The following CA13 variants were observed in gnomAD, a reference collection of about 807,000 sequenced individuals.
CA13 encodes the protein carbonic anhydrase 13.
In CA13, 21 loss-of-function variants were observed where a neutral mutation model predicts 31.5. That is an observed-to-expected ratio of 0.67 (90% CI 0.47 to 0.96). The LOEUF (loss-of-function observed/expected upper bound fraction) is 0.96. Among genes scored for constraint, CA13 ranks in the 40% least tolerant of loss-of-function variants. The probability of loss-of-function intolerance (pLI) is 0.00; values close to 1 mark genes in which losing one functional copy is unlikely to be tolerated. For synonymous variants in CA13, 117 were observed against 111.4 expected, an observed-to-expected ratio of 1.05 and a Z score of -0.32; for missense variants, 315 against 318.9, an observed-to-expected ratio of 0.99 and a Z score of 0.09.
At chr8:85,266,028 C>G (rs888893147) in intron 3 of CA13, among the ~76,000 whole-genome samples, 2 of 152,130 alleles carry the variant, frequency 1.3e-5, no homozygotes, top group East Asian at 3.9e-4. Flanking sequence ...TCTGTGAGCT[C>G]AGCCCTCTTC....
At chr8:85,276,181 C>T (rs1453136822) in intron 6 of CA13, among the ~76,000 whole-genome samples, 1 of 152,148 alleles carries the variant, frequency 6.6e-6, no homozygotes, top group Non-Finnish European at 1.5e-5. Context: ...CCGCGGACCC[C>T]GGGCAGTTAG....
chr8:85,273,297 T>C (rs1807552397), intron 6 of CA13, among the ~76,000 whole-genome samples: 1 of 152,248 alleles, frequency 6.6e-6, no homozygotes, highest in South Asian at 2.1e-4. Context: ...TAGTGACCAA[T>C]GATTTTGAAC....
chr8:85,246,182 G>A (rs1813726550), intron 1 of CA13: 1 of 511,898 alleles, frequency 2.0e-6, no homozygotes, highest in Non-Finnish European at 3.6e-6. Flanking sequence ...TAACAGCCAC[G>A]TATCAATTAC....
At chr8:85,251,070 T>C (rs1453198673) in intron 2 of CA13, 133 bp downstream of exon 2, 3 of 753,774 alleles carry the variant, frequency 4.0e-6, no homozygotes, top group Non-Finnish European at 6.5e-6. Flanking sequence ...GGCGCGATCT[T>C]GGCTTATTGC....
chr8:85,262,650 G>A (rs1321372674), intron 3 of CA13, among the ~76,000 whole-genome samples: 1 of 152,182 alleles, frequency 6.6e-6, no homozygotes, highest in East Asian at 1.9e-4. Flanking sequence ...CCATTGGGAA[G>A]TGGTGATATT....
intron 6 of CA13, among the ~76,000 whole-genome samples, chr8:85,277,168 C>T (rs115861252): frequency 1.3e-3 from 196 of 152,274 alleles, no homozygotes; most frequent in African/African-American, 3.8e-3. Flanking sequence ...TCTTCCACAC[C>T]GTGGAAGCTC....
chr8:85,262,120 C>CTTGCCTGT (rs1484795851), intron 3 of CA13, among the ~76,000 whole-genome samples: 1 of 152,276 alleles, frequency 6.6e-6, no homozygotes, highest in Non-Finnish European at 1.5e-5. Flanking sequence ...TGCAGTGGCT[C>CTTGCCTGT]ATGCCTGTAA....
At chr8:85,274,885 TG>T (rs1383439926) in intron 6 of CA13, among the ~76,000 whole-genome samples, 2 of 152,208 alleles carry the variant, frequency 1.3e-5, no homozygotes, top group African/African-American at 2.4e-5. Flanking sequence ...CGTTTTTCTC[TG>T]GTTAGGTTAT....
chr8:85,272,442 G>A (rs1446912630), intron 6 of CA13, among the ~76,000 whole-genome samples: 2 of 151,940 alleles, frequency 1.3e-5, no homozygotes, highest in Non-Finnish European at 1.5e-5. Context: ...TTTTAGTAGA[G>A]ATGGGGTTTC....
At chr8:85,247,768 G>A (rs1299482828) in intron 1 of CA13, among the ~76,000 whole-genome samples, 3 of 151,970 alleles carry the variant, frequency 2.0e-5, no homozygotes, top group African/African-American at 7.2e-5. Context: ...ACAAGGTTTC[G>A]TCATGTTGGC....
At chr8:85,249,766 G>T (rs748780098) in intron 1 of CA13, 6 of 408,388 alleles carry the variant, frequency 1.5e-5, no homozygotes, top group Non-Finnish European at 2.4e-5. Context: ...ATAGTAGAGA[G>T]AATAAGAACC....
intron 1 of CA13, 48 bp downstream of exon 1, chr8:85,245,913 AGGACTAGCG>A (rs1813717763): frequency 6.2e-7 from 1 of 1,610,776 alleles, no homozygotes; most frequent in African/African-American, 1.3e-5. Flanking sequence ...GGGGGACGAG[AGGACTAGCG>A]CGACGCCCCG....
At chr8:85,257,292 T>C (rs1807314374) in intron 2 of CA13, among the ~76,000 whole-genome samples, 1 of 152,166 alleles carries the variant, frequency 6.6e-6, no homozygotes, top group Admixed American at 6.5e-5. Context: ...TTAAAGGAAT[T>C]TGTATCCTAA....
chr8:85,273,452 C>T (rs985058844), intron 6 of CA13, among the ~76,000 whole-genome samples: 4 of 152,082 alleles, frequency 2.6e-5, no homozygotes, highest in South Asian at 2.1e-4. Flanking sequence ...GGCGCAGTGG[C>T]TCACTCCTGT....
rs1017094583 is a variant in CA13 at position 85,268,397 on chromosome 8, C to T, written c.514-75C>T. 4.0e-6 allele frequency: 5 copies of T among 1,239,220 alleles called. No individual in the cohort carries two copies. The African/African-American group carries it at 6.0e-5, about 15-fold the overall frequency. The allele number at this position is 1,239,220 out of a possible 1,614,324, so 76.8% of individuals were successfully genotyped here. On this transcript the variant is annotated intron_variant, in intron 5 of 6. Transcript: ENST00000321764. ...TGTTTATGGAATTATAATGGAAGTA[C>T]ATGGATGTATGTTTTTTGAGGTCTA...
chr8:85,254,221 T>G (rs1186639567), intron 2 of CA13, among the ~76,000 whole-genome samples: 2 of 149,032 alleles, frequency 1.3e-5, no homozygotes, highest in African/African-American at 5.0e-5. Context: ...CAGGTTGCAG[T>G]GAGCCAAGAT....
intron 3 of CA13, among the ~76,000 whole-genome samples, chr8:85,264,941 C>G (rs970459725): frequency 1.3e-5 from 2 of 152,184 alleles, no homozygotes; most frequent in African/African-American, 4.8e-5. Flanking sequence ...TTTTATATTG[C>G]ACAGTCTTCC....
intron 2 of CA13, among the ~76,000 whole-genome samples, chr8:85,251,668 C>T (rs1489876774): frequency 1.3e-5 from 2 of 152,028 alleles, no homozygotes; most frequent in Non-Finnish European, 2.9e-5. Flanking sequence ...TTAAAAAAAA[C>T]TTATTCTCTT....
At chr8:85,276,148 G>A (rs920909956) in intron 6 of CA13, among the ~76,000 whole-genome samples, 1 of 152,150 alleles carries the variant, frequency 6.6e-6, no homozygotes, top group African/African-American at 2.4e-5. Context: ...GGTGGGTCCC[G>A]CACTCGGAGC....
Sources: gnomAD v4.1 joint callset for allele counts (sites outside exome capture counted in the v4.1 genomes callset) on GRCh38, gnomAD v4.1.1 for gene constraint, MANE v1.5 for transcripts, NCBI Gene and HGNC (gene_info 2026-07-23, HGNC 2026-07-21) for gene names.